The following SPMIP9 variants were observed in gnomAD, a reference collection of about 807,000 sequenced individuals.
SPMIP9 encodes protein SPMIP9.
the SPMIP9 span, chr2:88,529,515 G>T: frequency 2.0e-6 from 3 of 1,538,182 alleles, no homozygotes; most frequent in Non-Finnish European, 1.8e-6. Flanking sequence ...CCAAGGGCAT[G>T]TGGAAATCCT....
chr2:88,527,349 C>T, the SPMIP9 span, among the ~76,000 whole-genome samples: 1 of 152,110 alleles, frequency 6.6e-6, no homozygotes, highest in Non-Finnish European at 1.5e-5. Context: ...CAAAAATTAG[C>T]CTGGCTTGTT....
the SPMIP9 span, chr2:88,529,257 C>G: frequency 9.3e-6 from 15 of 1,614,178 alleles, no homozygotes; most frequent in Non-Finnish European, 1.2e-5. Context: ...TGCCATTTCA[C>G]ATATCCAGCT....
chr2:88,529,302 A>G, the SPMIP9 span: 26 of 1,613,964 alleles, frequency 1.6e-5, no homozygotes, highest in South Asian at 4.4e-5. Flanking sequence ...GGTGACCCCA[A>G]CCAGGTCCTC....
the SPMIP9 span, among the ~76,000 whole-genome samples, chr2:88,528,278 C>T: frequency 1.3e-5 from 2 of 151,892 alleles, no homozygotes; most frequent in African/African-American, 4.8e-5. Context: ...GCTGGGATTA[C>T]AGGCATGCAC....
chr2:88,527,062 G>A, the SPMIP9 span, among the ~76,000 whole-genome samples: 1 of 152,112 alleles, frequency 6.6e-6, no homozygotes, highest in East Asian at 1.9e-4. Context: ...GATAAACACC[G>A]ATGTAACCAT....
chr2:88,527,562 A>G, the SPMIP9 span, among the ~76,000 whole-genome samples: 3 of 152,098 alleles, frequency 2.0e-5, no homozygotes, highest in Admixed American at 6.6e-5. Flanking sequence ...CCCTTCCACA[A>G]TTGTCACTTT....
the SPMIP9 span, chr2:88,529,192 C>G: frequency 1.2e-6 from 2 of 1,614,216 alleles, no homozygotes; most frequent in Non-Finnish European, 1.7e-6. Flanking sequence ...CCGGCTTCTT[C>G]CCATCACAGG....
the SPMIP9 span, among the ~76,000 whole-genome samples, chr2:88,527,963 T>C: frequency 8.0e-3 from 1,226 of 152,306 alleles, 24 homozygotes; most frequent in African/African-American, 0.028. Context: ...CATATTTTCC[T>C]GTGGTCATAA....
chr2:88,529,083 AAG>A, the SPMIP9 span: 4 of 1,613,678 alleles, frequency 2.5e-6, no homozygotes. Context: ...CTCCGGGACA[AAG>A]AGTTTTACAG....
At chr2:88,529,222 G>A in the SPMIP9 span, 9 of 1,614,206 alleles carry the variant, frequency 5.6e-6, no homozygotes, top group Non-Finnish European at 6.8e-6. Flanking sequence ...CCACGAGGGA[G>A]GACGAGCGCA....
At chr2:88,529,273 C>T in the SPMIP9 span, 348 of 1,614,138 alleles carry the variant, frequency 2.2e-4, no homozygotes, top group African/African-American at 3.9e-3. Flanking sequence ...CAGCTTCCCA[C>T]GATCTGCACC....
chr2:88,529,014 C>G, the SPMIP9 span: 5 of 1,579,288 alleles, frequency 3.2e-6, no homozygotes, highest in Non-Finnish European at 3.4e-6. Context: ...TCTCTTGTCT[C>G]TCTCACCCCT....
chr2:88,529,015 T>C, the SPMIP9 span: 1 of 1,580,948 alleles, frequency 6.3e-7, no homozygotes, highest in Non-Finnish European at 8.6e-7. Flanking sequence ...CTCTTGTCTC[T>C]CTCACCCCTC....
chr2:88,525,711 G>A, the SPMIP9 span: 37 of 1,613,362 alleles, frequency 2.3e-5, 2 homozygotes, highest in South Asian at 3.1e-4. Context: ...ACGGTCTCAG[G>A]GTTGGGTAGC....
the SPMIP9 span, chr2:88,529,183 C>CG: frequency 6.2e-7 from 1 of 1,614,188 alleles, no homozygotes. Context: ...TGGGACTCCC[C>CG]GGCTTCTTCC....
At chr2:88,529,438 G>T in the SPMIP9 span, 1 of 1,613,858 alleles carries the variant, frequency 6.2e-7, no homozygotes, top group South Asian at 1.1e-5. Context: ...TCCCCATCTT[G>T]AACCGGTGGG....
the SPMIP9 span, among the ~76,000 whole-genome samples, chr2:88,526,009 C>G: frequency 6.6e-6 from 1 of 151,994 alleles, no homozygotes; most frequent in East Asian, 1.9e-4. Flanking sequence ...CCTGCAAGTG[C>G]TGTTGTGGAG....
At chr2:88,526,227 G>C in the SPMIP9 span, among the ~76,000 whole-genome samples, 4 of 152,186 alleles carry the variant, frequency 2.6e-5, no homozygotes, top group African/African-American at 9.7e-5. Flanking sequence ...TAAGGCTGGA[G>C]TAGAGAAGGC....
chr2:88,528,451 A>G, the SPMIP9 span, among the ~76,000 whole-genome samples: 4 of 152,004 alleles, frequency 2.6e-5, no homozygotes, highest in South Asian at 2.1e-4. Context: ...AGCATTTTTC[A>G]TTTGTCAGTT....
Sources: allele counts gnomAD v4.1 joint callset (sites outside exome capture counted in the v4.1 genomes callset), GRCh38; gene constraint gnomAD v4.1.1; transcripts MANE v1.5; gene names NCBI Gene and HGNC (gene_info 2026-07-23, HGNC 2026-07-21).